Variants in THEMIS observed in about 807,000 individuals in gnomAD.
THEMIS encodes the protein thymocyte selection associated, also known as protein THEMIS.
A neutral mutation model predicts 52.6 loss-of-function variants in THEMIS; 37 were observed. The observed-to-expected ratio is 0.70, with a 90% CI of 0.54 to 0.93. THEMIS has a LOEUF of 0.93. THEMIS is among the 40% of genes least tolerant of loss of function. The pLI is 0.00. For missense variants in THEMIS, 808 were observed against 763.1 expected (o/e 1.06, Z -0.69); for synonymous variants, 292 against 272.7 (o/e 1.07, Z -0.70).
At chr6:127,901,803 C>A (rs1490702669), upstream of THEMIS, among the ~76,000 whole-genome samples, 1 of 151,844 alleles carries the variant, frequency 6.6e-6, no homozygotes, top group Non-Finnish European at 1.5e-5. Flanking sequence ...TAGAAGAGTC[C>A]AATAAATTTT....
At chr6:127,815,311 T>A (rs904058354) in intron 3 of THEMIS, among the ~76,000 whole-genome samples, 2 of 152,304 alleles carry the variant, frequency 1.3e-5, no homozygotes, top group East Asian at 3.9e-4. Flanking sequence ...CCGTCATTTT[T>A]TTCTTCCTTC....
chr6:127,783,335 A>G (rs1180560968), intron 4 of THEMIS, among the ~76,000 whole-genome samples: 1 of 152,226 alleles, frequency 6.6e-6, no homozygotes, highest in Non-Finnish European at 1.5e-5. Context: ...ATGGGCAACG[A>G]CTTCATGACT....
chr6:127,758,368 T>C (rs1309021669), intron 4 of THEMIS, among the ~76,000 whole-genome samples: 6 of 148,544 alleles, frequency 4.0e-5, no homozygotes, highest in Admixed American at 2.7e-4. Flanking sequence ...TTTATGAAAA[T>C]ACCTTGTAAT....
rs796313492 is a variant in THEMIS, at chr6:127,729,200, C to T, written c.1759-9377G>A. Among the ~76,000 whole-genome samples, 122 of 94,934 alleles carry T rather than the reference C, an allele frequency of 1.3e-3. 1 individual carries two copies. The highest frequency in any genetic ancestry group is 4.0e-3 in the African/African-American group (115 of 28,506). 62.3% of individuals were successfully genotyped at this position (94,934 alleles called of 152,430 possible). On this transcript the variant is annotated intron_variant, in intron 4 of 5. Coordinates refer to ENST00000368248, the MANE Select transcript of THEMIS (RefSeq NM_001010923.3). ...TCTCTCTCTCTCTCTCTCTCTCTCT[C>T]TCTTCACTCATCCCCAGAGGTAGCA...
At position 127,710,024 on chromosome 6, in the gene THEMIS, T is replaced by TA. The variant is rs754688573; in HGVS notation, c.1895-9dup. On this transcript the variant is annotated splice_polypyrimidine_tract_variant and intron_variant, in intron 5 of 5. Transcript: ENST00000368248. Reference sequence around the variant, plus strand: ...TTTCATTTTTGAATGTTTCTATAAATAAAAAAAGAAGGGTTTATCAGAAAT... The same window carrying TA: ...TTTCATTTTTGAATGTTTCTATAAATAAAAAAAAGAAGGGTTTATCAGAAAT... 51 of 1,553,718 alleles carry TA rather than the reference T, an allele frequency of 3.3e-5. No homozygotes were observed. In the East Asian group the frequency reaches 4.3e-4, roughly 13 times the overall value.
intron 2 of THEMIS, among the ~76,000 whole-genome samples, chr6:127,851,869 T>C (rs770872504): frequency 6.6e-6 from 1 of 151,680 alleles, no homozygotes; most frequent in African/African-American, 2.4e-5. Flanking sequence ...AAACACAACC[T>C]ACCTTAAATG....
chr6:127,777,513 C>A (rs1030656816), intron 4 of THEMIS, among the ~76,000 whole-genome samples: 1 of 152,142 alleles, frequency 6.6e-6, no homozygotes, highest in East Asian at 1.9e-4. Flanking sequence ...CATATCACTA[C>A]ATAGCCTAAT....
At chr6:127,760,081 C>G (rs1416074125) in intron 4 of THEMIS, among the ~76,000 whole-genome samples, 1 of 130,908 alleles carries the variant, frequency 7.6e-6, no homozygotes, top group Non-Finnish European at 1.9e-5. Context: ...AGAATCGAAT[C>G]TCTTTTTTTT....
intron 4 of THEMIS, among the ~76,000 whole-genome samples, chr6:127,724,322 G>A (rs1400624043): frequency 1.4e-4 from 22 of 152,090 alleles, no homozygotes; most frequent in Admixed American, 1.4e-3. Context: ...ATAAATCTGA[G>A]AATTGTTATG....
At chr6:127,716,279 GC>G (rs961685585) in intron 5 of THEMIS, among the ~76,000 whole-genome samples, 1 of 151,750 alleles carries the variant, frequency 6.6e-6, no homozygotes. Context: ...AAGGAAAATG[GC>G]CCCCTGTTTA....
intron 3 of THEMIS, among the ~76,000 whole-genome samples, chr6:127,820,303 G>A (rs1474469262): frequency 6.6e-6 from 1 of 152,016 alleles, no homozygotes; most frequent in Non-Finnish European, 1.5e-5. Flanking sequence ...GCCACAACAT[G>A]AGACTTTAAG....
At chr6:127,787,288 A>G (rs1299902643) in intron 4 of THEMIS, among the ~76,000 whole-genome samples, 1 of 152,018 alleles carries the variant, frequency 6.6e-6, no homozygotes, top group Non-Finnish European at 1.5e-5. Context: ...ACACACACAC[A>G]CACACACAAA....
intron 1 of THEMIS, among the ~76,000 whole-genome samples, chr6:127,895,420 A>G (rs944646954): frequency 1.3e-5 from 2 of 151,600 alleles, no homozygotes; most frequent in Non-Finnish European, 3.0e-5. Context: ...AATATAAACT[A>G]TTAGAATTAA....
intron 4 of THEMIS, among the ~76,000 whole-genome samples, chr6:127,776,557 G>C (rs772988552): frequency 6.6e-6 from 1 of 152,210 alleles, no homozygotes; most frequent in Non-Finnish European, 1.5e-5. Context: ...CAATTTTGAT[G>C]AATGTAGCCC....
intron 4 of THEMIS, among the ~76,000 whole-genome samples, chr6:127,727,975 AC>A (rs1774611066): frequency 6.6e-6 from 1 of 152,188 alleles, no homozygotes; most frequent in Admixed American, 6.6e-5. Flanking sequence ...ACCAACCAAC[AC>A]TTTTTTGAAA....
chr6:127,700,318 T>G, the THEMIS span, among the ~76,000 whole-genome samples: 2 of 151,974 alleles, frequency 1.3e-5, no homozygotes, highest in East Asian at 3.9e-4. Context: ...TTCATGTATC[T>G]TTCCATGAAT....
chr6:127,884,889 A>T (rs747149413), intron 1 of THEMIS, among the ~76,000 whole-genome samples: 1 of 151,968 alleles, frequency 6.6e-6, no homozygotes, highest in African/African-American at 2.4e-5. Flanking sequence ...GCCTTTCTTC[A>T]TTGCATGTGT....
At chr6:127,747,077 ATATC>A in intron 4 of THEMIS, among the ~76,000 whole-genome samples, 1 of 124,684 alleles carries the variant, frequency 8.0e-6, no homozygotes, top group Middle Eastern at 0.011. Context: ...TTGTATATAG[ATATC>A]TATAATTATA....
At chr6:127,726,827 A>G (rs1020757388) in intron 4 of THEMIS, among the ~76,000 whole-genome samples, 1 of 152,200 alleles carries the variant, frequency 6.6e-6, no homozygotes, top group African/African-American at 2.4e-5. Context: ...GCTCAAATCA[A>G]TGTGCTTCTT....
Sources: allele counts gnomAD v4.1 joint callset (sites outside exome capture counted in the v4.1 genomes callset), GRCh38; gene constraint gnomAD v4.1.1; transcripts MANE v1.5; gene names NCBI Gene and HGNC (gene_info 2026-07-23, HGNC 2026-07-21).